Variants in ARHGAP23 observed in about 807,000 individuals in gnomAD.
The protein encoded by ARHGAP23 is rho GTPase-activating protein 23.
In ARHGAP23, 34 loss-of-function variants were observed where a neutral mutation model predicts 136.3. That is an observed-to-expected ratio of 0.25 (90% CI 0.19 to 0.33). ARHGAP23 has a LOEUF of 0.33. Among genes scored for constraint, ARHGAP23 ranks in the 10% least tolerant of loss-of-function variants. ARHGAP23 has a pLI of 1.00. For missense variants in ARHGAP23, 1,808 were observed against 2,139.0 expected, an observed-to-expected ratio of 0.85 and a Z score of 3.05; for synonymous variants, 832 against 920.5, an observed-to-expected ratio of 0.90 and a Z score of 1.74.
At chr17:38,437,797 G>C (rs920446839) in intron 1 of ARHGAP23, among the ~76,000 whole-genome samples, 1 of 148,378 alleles carries the variant, frequency 6.7e-6, no homozygotes, top group Non-Finnish European at 1.5e-5. Flanking sequence ...CATAACGAAG[G>C]GGGGGGAGGG....
upstream of ARHGAP23, among the ~76,000 whole-genome samples, chr17:38,425,411 C>T (rs35931281): frequency 0.03 from 4,494 of 152,276 alleles, 219 homozygotes; most frequent in African/African-American, 0.1. Flanking sequence ...CTTCTCCAGC[C>T]GAATGTGCTC....
intron 1 of ARHGAP23, among the ~76,000 whole-genome samples, chr17:38,444,263 T>C (rs2144538460): frequency 6.6e-6 from 1 of 152,160 alleles, no homozygotes; most frequent in African/African-American, 2.4e-5. Context: ...AGACGAGGCA[T>C]GCCAGCGCTG....
chr17:38,482,806 G>C (rs913916394), intron 16 of ARHGAP23, 128 bp downstream of exon 16: 58 of 1,180,290 alleles, frequency 4.9e-5, no homozygotes, highest in Non-Finnish European at 6.8e-5. Flanking sequence ...CATTGGTCCA[G>C]AACACCAAGA....
chr17:38,424,256 G>A (rs1447314814), upstream of ARHGAP23, among the ~76,000 whole-genome samples: 1 of 152,050 alleles, frequency 6.6e-6, no homozygotes, highest in Admixed American at 6.5e-5. Flanking sequence ...CCCTCCGGCT[G>A]TCTCTCCTTG....
chr17:38,440,121 C>T (rs2038889921), intron 1 of ARHGAP23, among the ~76,000 whole-genome samples: 1 of 152,066 alleles, frequency 6.6e-6, no homozygotes, highest in Non-Finnish European at 1.5e-5. Context: ...TGGGTTCAAG[C>T]GATTCTCCTG....
At chr17:38,468,544 GGGCAGGGGGAAGACACAGCCCT>G (rs2039667874) in intron 7 of ARHGAP23, among the ~76,000 whole-genome samples, 1 of 152,202 alleles carries the variant, frequency 6.6e-6, no homozygotes, top group African/African-American at 2.4e-5. Flanking sequence ...AGGAGGCCTG[GGGCAGGGGGAAGACACAGCCCT>G]GGCTCCCCCA....
chr17:38,498,291 C>T, intron 21 of ARHGAP23, 123 bp from the exon 22 acceptor site: 1 of 695,934 alleles, frequency 1.4e-6, no homozygotes, highest in Non-Finnish European at 2.4e-6. Context: ...GGAGACGGTC[C>T]CTGCCCCAGT....
At chr17:38,451,260 G>C (rs776284877) in intron 1 of ARHGAP23, 28 of 152,396 alleles carry the variant, frequency 1.8e-4, no homozygotes, top group Admixed American at 4.6e-4. Flanking sequence ...TGGAGGTGGT[G>C]GGGGTGGGGA....
In ARHGAP23 at chr17:38,490,190, G is replaced by A. The variant is rs1241060426; in HGVS notation, c.3060+15G>A. The A allele has an allele frequency of 4.5e-6, 7 of 1,550,912 alleles. No individual in the cohort carries two copies. The Admixed American group carries it at 9.8e-5, about 22-fold the overall frequency. On this transcript the variant is annotated intron_variant, in intron 18 of 23. Coordinates refer to ENST00000622683, the MANE Select transcript of ARHGAP23 (RefSeq NM_001199417.2). ...TGCGGAAGCTGGTAAGGAGAGAGAG[G>A]TGCTGTCAGACACGAGGTGGGGCAG...
intron 23 of ARHGAP23, among the ~76,000 whole-genome samples, chr17:38,508,936 C>T (rs1317975863): frequency 2.0e-5 from 3 of 150,808 alleles, no homozygotes; most frequent in Non-Finnish European, 4.4e-5. Context: ...TGGATAGCAG[C>T]GCTGCTTGGG....
intron 7 of ARHGAP23, among the ~76,000 whole-genome samples, chr17:38,468,805 G>T (rs996296789): frequency 1.6e-4 from 24 of 152,142 alleles, no homozygotes; most frequent in Non-Finnish European, 3.5e-4. Context: ...GGTCTGAGAG[G>T]GGAGACATAA....
intron 20 of ARHGAP23, among the ~76,000 whole-genome samples, chr17:38,495,270 C>T (rs1254750677): frequency 1.4e-5 from 2 of 147,978 alleles, no homozygotes; most frequent in Non-Finnish European, 3.0e-5. Flanking sequence ...CTCACTCTGT[C>T]GCCCAGGCTG....
intron 16 of ARHGAP23, 127 bp from the exon 17 acceptor site, chr17:38,485,935 G>A (rs1169550661): frequency 1.3e-6 from 1 of 796,406 alleles, no homozygotes; most frequent in African/African-American, 1.7e-5. Context: ...CTGATGAGTA[G>A]AGAGCTTGGT....
intron 1 of ARHGAP23, among the ~76,000 whole-genome samples, chr17:38,447,285 T>C (rs550292119): frequency 6.7e-6 from 1 of 149,874 alleles, no homozygotes; most frequent in East Asian, 2.0e-4. Flanking sequence ...CCACTGAAAA[T>C]ACAAAATTTA....
At position 38,510,879 on chromosome 17, in the gene ARHGAP23, T is replaced by G. The variant is rs1423889217; in HGVS notation, c.4383T>G (p.Ala1461=). Residue 1461 remains alanine, a synonymous_variant, in exon 24 of 24, where the codon GCT becomes GCG. Coordinates refer to ENST00000622683, the MANE Select transcript of ARHGAP23 (RefSeq NM_001199417.2). This position sits in a 1 kb window ranked among gnomAD's most constrained non-coding sequence, Gnocchi z 4.6. The part of the protein sequence containing the change: ...ESTKARAPSS[A]ASQPPAPGDT... ...CCAAGGCGCGGGCCCCGTCGTCCGC[T>G]GCCTCGCAGCCGCCCGCGCCCGGGG... is the stretch of plus-strand genomic sequence containing the variant. 1.3e-6 allele frequency: 2 copies of G among 1,495,212 alleles called. No homozygotes were observed. Among genetic ancestry groups the G allele is most frequent in the Middle Eastern group, 2.3e-4 (1 of 4,310 alleles). 92.6% of individuals were successfully genotyped at this position (1,495,212 alleles called of 1,614,324 possible).
rs912514042 is a variant in ARHGAP23, at chr17:38,510,899, C to T, written c.4403C>T (p.Pro1468Leu). 16 of 1,491,190 alleles carry T rather than the reference C, an allele frequency of 1.1e-5. No homozygotes were observed. In the South Asian group the frequency reaches 1.3e-4, roughly 12 times the overall value. The allele number at this position is 1,491,190 out of a possible 1,614,324, so 92.4% of individuals were successfully genotyped here. A position where few individuals can be genotyped will look rare whatever the true frequency, so the allele number is the denominator to read the frequency against. ...TCCGCTGCCTCGCAGCCGCCCGCGC[C>T]CGGGGACACGGGGTCCCTGCAGAGC... is the stretch of plus-strand genomic sequence containing the variant. ...PSSAASQPPA[P>L]GDTGSLQSQP... Residue 1468 changes from proline to leucine, a missense_variant, in exon 24 of 24, where the codon CCC becomes CTC. This residue lies in a region of ARHGAP23 where 506 missense variants were observed against 455.8 expected (regional missense o/e 1.11). Coordinates refer to ENST00000622683, the MANE Select transcript of ARHGAP23 (RefSeq NM_001199417.2). This position sits in a 1 kb window ranked among gnomAD's most constrained non-coding sequence, Gnocchi z 4.6.
intron 17 of ARHGAP23, among the ~76,000 whole-genome samples, chr17:38,488,660 T>G (rs2040207278): frequency 6.6e-6 from 1 of 152,178 alleles, no homozygotes; most frequent in Non-Finnish European, 1.5e-5. Context: ...GCGATTCTCC[T>G]GCCTCAGTCT....
At chr17:38,500,379 G>C in intron 22 of ARHGAP23, 2 of 568,900 alleles carry the variant, frequency 3.5e-6, no homozygotes, top group Admixed American at 3.2e-5. Flanking sequence ...GTCACTTCCT[G>C]CCTCTAGAGG....
chr17:38,428,770 G>T (rs1279338167), intron 1 of ARHGAP23, among the ~76,000 whole-genome samples: 1 of 152,198 alleles, frequency 6.6e-6, no homozygotes, highest in African/African-American at 2.4e-5. Context: ...ACGGAAGCAG[G>T]CAAGGGGTCG....
Sources: gnomAD v4.1 joint callset for allele counts (sites outside exome capture counted in the v4.1 genomes callset) on GRCh38, gnomAD v4.1.1 for gene constraint, gnomAD v4.1.1 regional missense constraint, Gnocchi (gnomAD v3.1) non-coding constraint, MANE v1.5 for transcripts, NCBI Gene and HGNC (gene_info 2026-07-23, HGNC 2026-07-21) for gene names.